The following PHC2 variants were observed in gnomAD, a reference collection of about 807,000 sequenced individuals.
PHC2 encodes polyhomeotic homolog 2, also known as polyhomeotic-like protein 2.
Under a neutral mutation model 87.4 loss-of-function variants are expected in PHC2, and 29 were observed. That is an observed-to-expected ratio of 0.33 (90% CI 0.25 to 0.45). PHC2 has a LOEUF of 0.45. Ranked by LOEUF, PHC2 falls within the 20% of genes least tolerant of loss-of-function variation. PHC2 has a pLI of 1.00. For missense variants in PHC2, 857 were observed against 1,136.7 expected, an observed-to-expected ratio of 0.75 and a Z score of 3.54; for synonymous variants, 438 against 461.7, an observed-to-expected ratio of 0.95 and a Z score of 0.66.
rs531374173 is a variant in PHC2, at chr1:33,391,193, G to A, written c.-54-15600C>T. ...GGGCCTCACCCATCCCCAGACTTCTGAGGCTGCTGGTCCTGGGACCACACT... is the reference window on the plus strand; with the variant it reads ...GGGCCTCACCCATCCCCAGACTTCTAAGGCTGCTGGTCCTGGGACCACACT... On this transcript the variant is annotated intron_variant, in intron 1 of 14. Transcript: ENST00000683057. Among the ~76,000 whole-genome samples the A allele has an allele frequency of 2.6e-5, 4 of 152,316 alleles. No individual in the cohort carries two copies. The South Asian group carries it at 8.3e-4, about 32-fold the overall frequency.
At chr1:33,391,107 G>A (rs985606022) in intron 1 of PHC2, among the ~76,000 whole-genome samples, 1 of 152,166 alleles carries the variant, frequency 6.6e-6, no homozygotes, top group East Asian at 1.9e-4. Context: ...CAGGTCCACA[G>A]TGGTTCTCAG....
At position 33,355,053 on chromosome 1, in the gene PHC2, CCT is replaced by C; in HGVS notation, c.1175_1176del (p.Glu392GlyfsTer37). The C allele has an allele frequency of 3.1e-6, 5 of 1,613,472 alleles. No individual in the cohort carries two copies. The highest frequency in any genetic ancestry group is 4.2e-6 in the Non-Finnish European group (5 of 1,179,888). ...SPSVALQPSS[E>X]AHAMPLGPVT... Reference sequence around the variant, plus strand: ...ACCGGGCCTAGTGGCATGGCATGGGCCTCTGAGCTGGGCTGGAGGGCCACGCT... The same window carrying C: ...ACCGGGCCTAGTGGCATGGCATGGGCCTGAGCTGGGCTGGAGGGCCACGCT... On this transcript the variant is annotated frameshift_variant, in exon 8 of 15. Coordinates refer to ENST00000683057, the MANE Select transcript of PHC2 (RefSeq NM_001385109.1). LOFTEE classifies it high-confidence loss of function.
intron 4 of PHC2, 52 bp downstream of exon 4, chr1:33,370,965 C>T: frequency 6.8e-7 from 1 of 1,461,434 alleles, no homozygotes. Flanking sequence ...GGAACTTGGG[C>T]ATTTTGGTCC....
At chr1:33,378,014 T>G (rs1007612864) in intron 1 of PHC2, among the ~76,000 whole-genome samples, 6 of 152,346 alleles carry the variant, frequency 3.9e-5, no homozygotes, top group African/African-American at 1.4e-4. Context: ...TGATTTTTCC[T>G]TATGTTCATA....
chr1:33,383,363 C>T (rs1181798554), intron 1 of PHC2, among the ~76,000 whole-genome samples: 2 of 152,104 alleles, frequency 1.3e-5, no homozygotes, highest in South Asian at 4.1e-4. Flanking sequence ...TGAAGGCCAA[C>T]AAAAATAGAA....
At chr1:33,384,423 T>G (rs1414468084) in intron 1 of PHC2, among the ~76,000 whole-genome samples, 1 of 152,208 alleles carries the variant, frequency 6.6e-6, no homozygotes, top group Non-Finnish European at 1.5e-5. Flanking sequence ...GGGCTAGAAT[T>G]TGAGATGGGA....
chr1:33,388,506 G>T (rs948103727), intron 1 of PHC2, among the ~76,000 whole-genome samples: 4 of 151,748 alleles, frequency 2.6e-5, no homozygotes, highest in Non-Finnish European at 5.9e-5. Flanking sequence ...TGTATTTTTA[G>T]TAGAGACAGG....
intron 14 of PHC2, 54 bp downstream of exon 14, chr1:33,328,816 C>T (rs1013586388): frequency 1.4e-5 from 21 of 1,533,646 alleles, no homozygotes; most frequent in Admixed American, 1.9e-5. Context: ...GAGGGTCTCT[C>T]ATTTTCTCTT....
chr1:33,360,627 G>T (rs1168231878), intron 7 of PHC2, among the ~76,000 whole-genome samples: 2 of 152,268 alleles, frequency 1.3e-5, no homozygotes, highest in African/African-American at 4.8e-5. Flanking sequence ...CCTAGTAGAT[G>T]CTCAGTAAAT....
At chr1:33,408,801 T>C (rs1186803688) in intron 1 of PHC2, among the ~76,000 whole-genome samples, 11 of 152,130 alleles carry the variant, frequency 7.2e-5, no homozygotes, top group African/African-American at 2.7e-4. Flanking sequence ...TCTCATCCTT[T>C]CTCTAGGACC....
chr1:33,327,343 C>A (rs1167407504), intron 14 of PHC2, among the ~76,000 whole-genome samples: 1 of 152,190 alleles, frequency 6.6e-6, no homozygotes, highest in Non-Finnish European at 1.5e-5. Flanking sequence ...GGAGCCTCAT[C>A]TCACCTCAAT....
chr1:33,409,109 T>C (rs1324192330), intron 1 of PHC2, among the ~76,000 whole-genome samples: 1 of 152,218 alleles, frequency 6.6e-6, no homozygotes, highest in Non-Finnish European at 1.5e-5. Context: ...CTGAAAGACA[T>C]ATAAATTGGG....
At chr1:33,346,248 G>GGGTGGGGGGC in intron 9 of PHC2, 1 of 284,160 alleles carries the variant, frequency 3.5e-6, no homozygotes, top group Non-Finnish European at 5.1e-6. Flanking sequence ...GGGAGGGTGG[G>GGGTGGGGGGC]CAGGCTCAGA....
At chr1:33,383,953 A>G (rs1040084457) in intron 1 of PHC2, among the ~76,000 whole-genome samples, 2 of 152,186 alleles carry the variant, frequency 1.3e-5, no homozygotes, top group African/African-American at 4.8e-5. Flanking sequence ...TCCAGCCTCC[A>G]GAACGGTAAC....
At chr1:33,399,480 T>G (rs1371008393) in intron 1 of PHC2, among the ~76,000 whole-genome samples, 1 of 152,220 alleles carries the variant, frequency 6.6e-6, no homozygotes, top group Non-Finnish European at 1.5e-5. Flanking sequence ...TCAGATGCCA[T>G]GTGAACAGGT....
intron 1 of PHC2, among the ~76,000 whole-genome samples, chr1:33,407,450 A>G (rs969049473): frequency 2.0e-5 from 3 of 152,238 alleles, no homozygotes; most frequent in African/African-American, 4.8e-5. Flanking sequence ...CTAGTATGGA[A>G]CCATCCTAGT....
chr1:33,414,712 T>C (rs1650132012), intron 1 of PHC2, among the ~76,000 whole-genome samples: 2 of 152,204 alleles, frequency 1.3e-5, no homozygotes, highest in African/African-American at 4.8e-5. Context: ...GATAGCAAGG[T>C]GGGGAAGATC....
At chr1:33,346,231 G>A in intron 9 of PHC2, 2 of 983,284 alleles carry the variant, frequency 2.0e-6, no homozygotes, top group Non-Finnish European at 2.4e-6. Context: ...GGGACTGGGG[G>A]GAGGTGGGGA....
rs1646924651 is a variant in PHC2 at position 33,349,737 on chromosome 1, G to A, written c.1558+4664C>T. 2.0e-6 allele frequency: 2 copies of A among 994,942 alleles called. No homozygotes were observed. The highest frequency in any genetic ancestry group is 2.4e-6 in the Non-Finnish European group (2 of 835,122). The allele number at this position is 994,942 out of a possible 1,614,324, so 61.6% of individuals were successfully genotyped here. On this transcript the variant is annotated intron_variant, in intron 9 of 14. Transcript: ENST00000683057. The surrounding 1 kb of genome is among the most constrained non-coding windows in gnomAD (Gnocchi z 4.2). ...CCGAGCCGGGGCCCGGGGCTGCCGC[G>A]GCGCATCCGACCGCACCGGCCTGGC... is the stretch of plus-strand genomic sequence containing the variant.
Sources: gnomAD v4.1 joint callset for allele counts (sites outside exome capture counted in the v4.1 genomes callset) on GRCh38, gnomAD v4.1.1 for gene constraint, Gnocchi (gnomAD v3.1) non-coding constraint, MANE v1.5 for transcripts, NCBI Gene and HGNC (gene_info 2026-07-23, HGNC 2026-07-21) for gene names.